Variants in DLGAP2 observed in about 807,000 individuals in gnomAD.
DLGAP2 encodes disks large-associated protein 2.
Under a neutral mutation model 100.3 loss-of-function variants are expected in DLGAP2, and 26 were observed. That is an observed-to-expected ratio of 0.26 (90% confidence interval 0.19 to 0.36). The LOEUF is 0.36. Among genes scored for constraint, DLGAP2 ranks in the 10% least tolerant of loss-of-function variants. DLGAP2 has a pLI of 1.00. For missense variants in DLGAP2, 1,858 were observed against 1,453.2 expected (o/e 1.28, Z -4.53); for synonymous variants, 886 against 630.1 (o/e 1.41, Z -6.08).
At chr8:1,645,977 G>A (rs1199863953) in intron 8 of DLGAP2, among the ~76,000 whole-genome samples, 2 of 152,184 alleles carry the variant, frequency 1.3e-5, no homozygotes, top group East Asian at 3.9e-4. Context: ...CATTGGTGGT[G>A]GAGGCCGAAT....
At chr8:1,165,675 C>T (rs1412813726) in intron 2 of DLGAP2, among the ~76,000 whole-genome samples, 1 of 152,002 alleles carries the variant, frequency 6.6e-6, no homozygotes, top group Non-Finnish European at 1.5e-5. Context: ...TTTTATTTGT[C>T]GAATTTACGT....
chr8:891,655 A>G (rs1354270), intron 1 of DLGAP2: 98,108 of 151,878 alleles, frequency 0.65, 31,884 homozygotes, highest in Admixed American at 0.73. Context: ...GGTGGTGTGG[A>G]CAGGAAGATC....
At chr8:795,061 C>T (rs1318273417) in intron 1 of DLGAP2, among the ~76,000 whole-genome samples, 1 of 152,146 alleles carries the variant, frequency 6.6e-6, no homozygotes, top group Admixed American at 6.5e-5. Context: ...GGCATACGGA[C>T]CACAGAACAC....
At position 1,244,822 on chromosome 8, in the gene DLGAP2, C is replaced by T. The variant is rs1167284242; in HGVS notation, c.74-14029C>T. Among the ~76,000 whole-genome samples, 5 of 152,196 alleles carry T rather than the reference C, an allele frequency of 3.3e-5. No homozygotes were observed. In the South Asian group the frequency reaches 1.0e-3, roughly 32 times the overall value. ...AAGTTTTTGTGTGTTTCAGAGGTTA[C>T]CATCAATAAAGTAAGAAGGAAACTC... On this transcript the variant is annotated intron_variant, in intron 2 of 14. Transcript: ENST00000637795.
intron 1 of DLGAP2, among the ~76,000 whole-genome samples, chr8:776,808 G>GA (rs1446302428): frequency 1.8e-4 from 27 of 152,246 alleles, no homozygotes; most frequent in Non-Finnish European, 3.8e-4. Context: ...GTGTGGTGCT[G>GA]AAAAAAATGT....
chr8:1,118,257 ACTT>A (rs2129047078), intron 2 of DLGAP2, among the ~76,000 whole-genome samples: 1 of 152,304 alleles, frequency 6.6e-6, no homozygotes, highest in Admixed American at 6.5e-5. Context: ...GCTCGGGGGA[ACTT>A]CTTCAGCTTC....
chr8:1,284,232 G>A (rs1049016427), intron 3 of DLGAP2, among the ~76,000 whole-genome samples: 1 of 152,196 alleles, frequency 6.6e-6, no homozygotes, highest in Non-Finnish European at 1.5e-5. Flanking sequence ...TCCACTGCAG[G>A]CTTACATTTC....
chr8:1,364,328 G>T (rs1303264536), intron 3 of DLGAP2, among the ~76,000 whole-genome samples: 1 of 152,190 alleles, frequency 6.6e-6, no homozygotes, highest in Non-Finnish European at 1.5e-5. Context: ...AGAGAACCCA[G>T]ACTCAGAATA....
chr8:1,133,599 C>T (rs1036881877), intron 2 of DLGAP2, among the ~76,000 whole-genome samples: 1 of 152,174 alleles, frequency 6.6e-6, no homozygotes, highest in Non-Finnish European at 1.5e-5. Flanking sequence ...TGGACACAAA[C>T]ACTTTGCTCA....
intron 3 of DLGAP2, among the ~76,000 whole-genome samples, chr8:1,332,625 G>A (rs1801184981): frequency 6.6e-6 from 1 of 152,168 alleles, no homozygotes; most frequent in African/African-American, 2.4e-5. Context: ...ACCCCCTCCA[G>A]GTCACACGTC....
chr8:1,603,657 C>G (rs1184924646), intron 6 of DLGAP2, among the ~76,000 whole-genome samples: 1 of 152,216 alleles, frequency 6.6e-6, no homozygotes, highest in African/African-American at 2.4e-5. Flanking sequence ...GGTCTTCATT[C>G]TTTTGGGTTG....
At chr8:1,047,194 T>C (rs1050637590) in intron 2 of DLGAP2, among the ~76,000 whole-genome samples, 14 of 152,208 alleles carry the variant, frequency 9.2e-5, no homozygotes, top group Non-Finnish European at 1.9e-4. Context: ...TCTCTTTCTA[T>C]AGGGAGCCTG....
intron 2 of DLGAP2, among the ~76,000 whole-genome samples, chr8:962,190 A>G (rs1409076862): frequency 1.3e-5 from 2 of 152,148 alleles, no homozygotes; most frequent in African/African-American, 4.8e-5. Context: ...ATTTTTACCA[A>G]ATTCTGAGGA....
At chr8:1,055,361 T>G (rs1472857288) in intron 2 of DLGAP2, among the ~76,000 whole-genome samples, 1 of 152,202 alleles carries the variant, frequency 6.6e-6, no homozygotes, top group Non-Finnish European at 1.5e-5. Context: ...GTCACAGTGA[T>G]TTGGAGTCAT....
rs4876097 is a variant in DLGAP2, at chr8:1,585,984, C to T, written c.1442+20090C>T. 1.8e-4 allele frequency among the ~76,000 whole-genome samples: 28 copies of T among 152,164 alleles called. No individual in the cohort carries two copies. In the East Asian group the frequency reaches 3.9e-3, roughly 21 times the overall value. On this transcript the variant is annotated intron_variant, in intron 6 of 14. Transcript: ENST00000637795. ...CGTAGTTTACAATAAACATGAGGTC[C>T]CACTGCACGCATTACTGTACAATTT...
At chr8:1,391,981 A>G (rs1480908590) in intron 3 of DLGAP2, among the ~76,000 whole-genome samples, 1 of 152,252 alleles carries the variant, frequency 6.6e-6, no homozygotes, top group Non-Finnish European at 1.5e-5. Flanking sequence ...AGGATCTTTC[A>G]GAAAACCAGG....
intron 1 of DLGAP2, among the ~76,000 whole-genome samples, chr8:802,011 A>T (rs111478396): frequency 4.3e-5 from 1 of 23,398 alleles, no homozygotes; most frequent in African/African-American, 1.1e-4. Flanking sequence ...CCTGAGGAAC[A>T]GTCCGCACCC....
chr8:1,435,224 T>C (rs1042878139), intron 3 of DLGAP2, among the ~76,000 whole-genome samples: 2 of 152,194 alleles, frequency 1.3e-5, no homozygotes, highest in African/African-American at 4.8e-5. Context: ...TTTGTAGATT[T>C]TGGGGTGGTA....
chr8:1,152,988 C>T (rs1796721508), intron 2 of DLGAP2, among the ~76,000 whole-genome samples: 1 of 152,238 alleles, frequency 6.6e-6, no homozygotes, highest in Non-Finnish European at 1.5e-5. Flanking sequence ...TTAATTCAAG[C>T]TATTCTGTAG....
Sources: allele counts gnomAD v4.1 joint callset (sites outside exome capture counted in the v4.1 genomes callset), GRCh38; gene constraint gnomAD v4.1.1; transcripts MANE v1.5; gene names NCBI Gene and HGNC (gene_info 2026-07-23, HGNC 2026-07-21).